Variants in SORCS2 observed in about 807,000 individuals in gnomAD.
SORCS2 encodes the protein sortilin related VPS10 domain containing receptor 2, also known as VPS10 domain-containing receptor SorCS2.
In SORCS2, 100 loss-of-function variants were observed where a neutral mutation model predicts 141.6. That is an observed-to-expected ratio of 0.71 (90% CI 0.60 to 0.83). The LOEUF (loss-of-function observed/expected upper bound fraction) is 0.83. Ranked by LOEUF, SORCS2 falls within the 40% of genes least tolerant of loss-of-function variation. The pLI is 0.00. For synonymous variants in SORCS2, 789 were observed against 676.9 expected, an observed-to-expected ratio of 1.17 and a Z score of -2.57; for missense variants, 1,646 against 1,560.2, an observed-to-expected ratio of 1.05 and a Z score of -0.93.
chr4:7,666,586 G>A (rs1722518565), intron 7 of SORCS2, among the ~76,000 whole-genome samples: 2 of 152,120 alleles, frequency 1.3e-5, no homozygotes, highest in Admixed American at 6.5e-5. Flanking sequence ...TGCACCTCCT[G>A]TTCTGTGGCA....
At chr4:7,736,379 C>T (rs546901206) in intron 25 of SORCS2, among the ~76,000 whole-genome samples, 3 of 152,372 alleles carry the variant, frequency 2.0e-5, no homozygotes, top group South Asian at 2.1e-4. Flanking sequence ...CCCATCCTGC[C>T]GTTAAAATGT....
intron 2 of SORCS2, among the ~76,000 whole-genome samples, chr4:7,515,825 A>T (rs971931423): frequency 1.3e-5 from 2 of 152,308 alleles, no homozygotes; most frequent in African/African-American, 4.8e-5. Context: ...GCCCTGGCAA[A>T]GAAACACTGA....
intron 1 of SORCS2, among the ~76,000 whole-genome samples, chr4:7,343,365 C>T (rs999431217): frequency 1.3e-5 from 2 of 152,224 alleles, no homozygotes; most frequent in Non-Finnish European, 2.9e-5. Context: ...TGAGTGACAC[C>T]GGGCAAAGCC....
chr4:7,517,512 A>G (rs1001155492), intron 2 of SORCS2, among the ~76,000 whole-genome samples: 2 of 152,176 alleles, frequency 1.3e-5, no homozygotes, highest in African/African-American at 4.8e-5. Context: ...TTCAGCAGAA[A>G]CCGAATACAG....
chr4:7,686,413 A>C (rs1723873724), intron 10 of SORCS2, among the ~76,000 whole-genome samples: 2 of 152,272 alleles, frequency 1.3e-5, no homozygotes, highest in South Asian at 4.1e-4. Flanking sequence ...ACACTTCTTT[A>C]GGGCACCCTC....
At chr4:7,587,503 A>T (rs1716615445) in intron 3 of SORCS2, among the ~76,000 whole-genome samples, 1 of 152,198 alleles carries the variant, frequency 6.6e-6, no homozygotes, top group Non-Finnish European at 1.5e-5. Context: ...AGGGTTGGAG[A>T]TGAGACTGAC....
At chr4:7,517,287 C>T (rs1733049540) in intron 2 of SORCS2, among the ~76,000 whole-genome samples, 1 of 152,162 alleles carries the variant, frequency 6.6e-6, no homozygotes, top group Non-Finnish European at 1.5e-5. Flanking sequence ...TCCACAATCG[C>T]ACGACTCGAA....
At chr4:7,621,257 C>T (rs1408144842) in intron 3 of SORCS2, among the ~76,000 whole-genome samples, 2 of 152,210 alleles carry the variant, frequency 1.3e-5, no homozygotes, top group African/African-American at 4.8e-5. Context: ...AAGCCTTCCT[C>T]TCCCACTCCC....
chr4:7,575,728 C>T (rs1400959222), intron 3 of SORCS2, among the ~76,000 whole-genome samples: 1 of 152,188 alleles, frequency 6.6e-6, no homozygotes, highest in African/African-American at 2.4e-5. Flanking sequence ...TCCTTGTTTA[C>T]CCATGGCTTA....
At chr4:7,425,240 G>GCTCCA (rs1726350930) in intron 2 of SORCS2, among the ~76,000 whole-genome samples, 1 of 152,210 alleles carries the variant, frequency 6.6e-6, no homozygotes, top group Non-Finnish European at 1.5e-5. Context: ...ATCGCTGTGG[G>GCTCCA]GTGACCTTCG....
At chr4:7,621,884 G>A (rs764653305) in intron 3 of SORCS2, among the ~76,000 whole-genome samples, 37 of 152,218 alleles carry the variant, frequency 2.4e-4, no homozygotes, top group Non-Finnish European at 4.4e-4. Context: ...CCTGGCGAGA[G>A]CCTGCTGGTG....
chr4:7,691,118 C>G (rs1724217896), intron 11 of SORCS2, among the ~76,000 whole-genome samples: 1 of 152,220 alleles, frequency 6.6e-6, no homozygotes, highest in Non-Finnish European at 1.5e-5. Context: ...GAACCCAGGA[C>G]CCCTTCCCTC....
At chr4:7,266,027 C>T (rs941040918) in intron 1 of SORCS2, among the ~76,000 whole-genome samples, 1 of 152,222 alleles carries the variant, frequency 6.6e-6, no homozygotes, top group African/African-American at 2.4e-5. Flanking sequence ...CCCTGTTCTC[C>T]TTTCCCGGCC....
chr4:7,305,395 T>C (rs1348693141), intron 1 of SORCS2, among the ~76,000 whole-genome samples: 2 of 150,826 alleles, frequency 1.3e-5, no homozygotes, highest in African/African-American at 4.9e-5. Context: ...ACACTATTTC[T>C]ATGGAATACA....
intron 1 of SORCS2, among the ~76,000 whole-genome samples, chr4:7,219,077 C>A (rs1728544758): frequency 6.6e-6 from 1 of 152,056 alleles, no homozygotes; most frequent in African/African-American, 2.4e-5. Flanking sequence ...TTTTGGGGAC[C>A]ACTATGTCTT....
intron 1 of SORCS2, among the ~76,000 whole-genome samples, chr4:7,275,295 G>A (rs1182457677): frequency 6.6e-6 from 1 of 152,186 alleles, no homozygotes; most frequent in South Asian, 2.1e-4. Flanking sequence ...TGAGGACAGG[G>A]CTGTAGGGTT....
chr4:7,589,818 T>C (rs547850430), intron 3 of SORCS2, among the ~76,000 whole-genome samples: 1 of 152,290 alleles, frequency 6.6e-6, no homozygotes, highest in East Asian at 1.9e-4. Flanking sequence ...GTTTAAGTAA[T>C]GTGTCTGAGG....
intron 2 of SORCS2, among the ~76,000 whole-genome samples, chr4:7,409,581 G>A (rs999208583): frequency 4.6e-5 from 7 of 152,112 alleles, no homozygotes; most frequent in Admixed American, 3.3e-4. Context: ...ACAGTCTCCC[G>A]CCAGAGAACC....
intron 2 of SORCS2, among the ~76,000 whole-genome samples, chr4:7,494,192 G>A (rs1238310687): frequency 6.6e-6 from 1 of 152,160 alleles, no homozygotes; most frequent in Non-Finnish European, 1.5e-5. Flanking sequence ...TGCTCTTCTT[G>A]GCGTCACTTC....
Sources: allele counts gnomAD v4.1 joint callset (sites outside exome capture counted in the v4.1 genomes callset), GRCh38; gene constraint gnomAD v4.1.1; transcripts MANE v1.5; gene names NCBI Gene and HGNC (gene_info 2026-07-23, HGNC 2026-07-21).